Variants in AHI1 observed in about 807,000 individuals in gnomAD.
AHI1 encodes jouberin.
AHI1 carries 123 observed loss-of-function variants against 149.3 expected under a neutral mutation model. The observed-to-expected ratio is 0.82, with a 90% CI of 0.71 to 0.96. The LOEUF is 0.96. AHI1 is among the 40% of genes least tolerant of loss of function. AHI1 has a pLI of 0.00. For synonymous variants in AHI1, 475 were observed against 459.8 expected (o/e 1.03, Z -0.42); for missense variants, 1,439 against 1,422.7 (o/e 1.01, Z -0.18).
chr6:135,324,551 C>CATATATAT lies in AHI1; in HGVS notation c.3166-1235_3166-1228dup, dbSNP rs3071751. Among the ~76,000 whole-genome samples the CATATATAT allele has an allele frequency of 1.4e-3, 199 of 144,808 alleles. 2 individuals are homozygous for CATATATAT. The highest frequency in any genetic ancestry group is 3.6e-3 in the Admixed American group (52 of 14,494). The allele number at this position is 144,808 out of a possible 152,430, so 95.0% of individuals were successfully genotyped here. A position where few individuals can be genotyped will look rare whatever the true frequency, so the allele number is the denominator to read the frequency against. ...AAAATTACATATATAGTTATATATA[C>CATATATAT]ATATATATATATATATATATATTTA... is the stretch of plus-strand genomic sequence containing the variant. On this transcript the variant is annotated intron_variant, in intron 24 of 28. Transcript: ENST00000265602.
intron 5 of AHI1, among the ~76,000 whole-genome samples, chr6:135,483,705 G>A (rs1794068606): frequency 6.6e-6 from 1 of 152,172 alleles, no homozygotes; most frequent in Non-Finnish European, 1.5e-5. Context: ...ATTATGCTCT[G>A]AGCCCAGTAT....
intron 8 of AHI1, among the ~76,000 whole-genome samples, chr6:135,461,547 T>C (rs570404891): frequency 6.6e-6 from 1 of 152,080 alleles, no homozygotes; most frequent in Non-Finnish European, 1.5e-5. Context: ...ATATACATAA[T>C]CTATGACAGC....
chr6:135,459,249 G>T (rs1437029410), intron 8 of AHI1, among the ~76,000 whole-genome samples: 1 of 152,132 alleles, frequency 6.6e-6, no homozygotes, highest in Non-Finnish European at 1.5e-5. Flanking sequence ...TCTGCTGCCT[G>T]AAACTAAGCA....
At chr6:135,463,394 G>C in intron 7 of AHI1, 88 bp from the exon 8 acceptor site, 1 of 1,097,906 alleles carries the variant, frequency 9.1e-7, no homozygotes, top group Non-Finnish European at 1.3e-6. Context: ...CAGTAAATAG[G>C]AGCAAAGATA....
chr6:135,455,651 T>C (rs1202255394), intron 10 of AHI1, 83 bp downstream of exon 10: 4 of 1,103,420 alleles, frequency 3.6e-6, no homozygotes, highest in East Asian at 2.8e-5. Flanking sequence ...TTTGCCTTAC[T>C]GGACTACTAA....
At chr6:135,333,484 G>A (rs1360899513) in intron 24 of AHI1, among the ~76,000 whole-genome samples, 1 of 151,892 alleles carries the variant, frequency 6.6e-6, no homozygotes, top group African/African-American at 2.4e-5. Context: ...AAGAAATCAA[G>A]GTCCTATTAT....
chr6:135,317,842 T>C (rs1786211660), intron 26 of AHI1, among the ~76,000 whole-genome samples: 1 of 152,256 alleles, frequency 6.6e-6, no homozygotes, highest in Admixed American at 6.5e-5. Context: ...TGTTGGTTCA[T>C]GGAATCAAGA....
At chr6:135,406,147 A>G (rs987496888) in intron 21 of AHI1, among the ~76,000 whole-genome samples, 9 of 152,230 alleles carry the variant, frequency 5.9e-5, no homozygotes, top group African/African-American at 2.2e-4. Flanking sequence ...AGCATTCTGC[A>G]ACCTAGGTAA....
At chr6:135,444,319 T>C (rs1786811977) in intron 13 of AHI1, among the ~76,000 whole-genome samples, 1 of 152,112 alleles carries the variant, frequency 6.6e-6, no homozygotes, top group African/African-American at 2.4e-5. Flanking sequence ...CTTCCATTAT[T>C]CCTCACATCC....
chr6:135,331,118 T>C (rs577173808), intron 24 of AHI1, among the ~76,000 whole-genome samples: 1 of 152,356 alleles, frequency 6.6e-6, no homozygotes, highest in African/African-American at 2.4e-5. Context: ...TACCATTTCT[T>C]GCACCCTGTG....
intron 20 of AHI1, among the ~76,000 whole-genome samples, chr6:135,412,958 A>C (rs1202096445): frequency 6.6e-6 from 1 of 152,196 alleles, no homozygotes; most frequent in Non-Finnish European, 1.5e-5. Context: ...ATGAGTCAGA[A>C]AAGGTTAATA....
At chr6:135,313,140 T>C (rs2128368560) in intron 26 of AHI1, among the ~76,000 whole-genome samples, 1 of 152,332 alleles carries the variant, frequency 6.6e-6, no homozygotes, top group Middle Eastern at 3.4e-3. Context: ...ACTCAAATCA[T>C]TTTAATTACT....
rs767850579 is a variant in AHI1 at position 135,433,172 on chromosome 6, T to C, written c.2121A>G (p.Pro707=). The part of the protein sequence containing the change: ...PSFVYTAKFH[P]AVRELVVTGC... ...CTGTAACTACTAGCTCTCTTACAGC[T>C]GGATGGAATTTAGCCGTGTAAACAA... The change falls in exon 16 of 29, where the codon CCA becomes CCG. Residue 707 remains proline (P), a synonymous_variant. Transcript: ENST00000265602. The C allele has an allele frequency of 2.5e-6, 4 of 1,613,100 alleles. No homozygotes were observed. The East Asian group carries it at 6.7e-5, about 27-fold the overall frequency.
At chr6:135,358,072 A>T in intron 24 of AHI1, 60 bp downstream of exon 24, 2 of 1,473,004 alleles carry the variant, frequency 1.4e-6, no homozygotes, top group Admixed American at 3.5e-5. Context: ...CTGTAACTAT[A>T]ACCAGTATAA....
intron 23 of AHI1, among the ~76,000 whole-genome samples, chr6:135,373,564 C>G (rs1775389408): frequency 1.3e-5 from 2 of 152,142 alleles, no homozygotes; most frequent in Non-Finnish European, 2.9e-5. Flanking sequence ...TCTTGGGAGA[C>G]ACTTTTAGTA....
Position 135,433,050 on chromosome 6 carries a change from T to C in AHI1, c.2243A>G (p.Asn748Ser), listed in dbSNP as rs763675347. ...ACCTTCAGTATCAAAACAAAGTGAGTTGATAAAACTTTTGTGAACATCAAA... is the reference window on the plus strand; with the variant it reads ...ACCTTCAGTATCAAAACAAAGTGAGCTGATAAAACTTTTGTGAACATCAAA... ...RQFDVHKSFI[N>S]SLCFDTEGHH... The change falls in exon 16 of 29, where the codon AAC (asparagine) becomes AGC (serine). Residue 748 changes from asparagine to serine, a missense_variant. By Grantham distance (46) the Asn-to-Ser change is conservative (BLOSUM62 1). Coordinates refer to ENST00000265602, the MANE Select transcript of AHI1 (RefSeq NM_001134831.2). The C allele has an allele frequency of 6.2e-7, 1 of 1,612,666 alleles. No individual in the cohort carries two copies. Among genetic ancestry groups the C allele is most frequent in the South Asian group, 1.1e-5 (1 of 91,062 alleles).
intron 5 of AHI1, among the ~76,000 whole-genome samples, chr6:135,471,829 G>A (rs954452058): frequency 3.3e-5 from 5 of 151,022 alleles, no homozygotes; most frequent in Non-Finnish European, 5.9e-5. Flanking sequence ...TGGCTAACAA[G>A]GTGAAACCCC....
chr6:135,318,556 T>C lies in AHI1; in HGVS notation c.3389A>G (p.Glu1130Gly). Residue 1130 changes from glutamate to glycine, a missense_variant, in exon 26 of 29, where the codon GAA becomes GGA. Physicochemically the swap from Glu to Gly is moderately conservative, Grantham distance 98 (BLOSUM62 -2). Coordinates refer to ENST00000265602, the MANE Select transcript of AHI1 (RefSeq NM_001134831.2). ...TGGAGATTTTTCTATTTTAGTTTTT[T>C]CCTCAGGGCTTAAAGGAGGGGATCG... ...KERSPPLSPE[E>G]KTKIEKSPAP... 1 of 1,603,548 alleles carries C rather than the reference T, an allele frequency of 6.2e-7. No individual in the cohort carries two copies. The highest frequency in any genetic ancestry group is 8.5e-7 in the Non-Finnish European group (1 of 1,174,836).
chr6:135,475,875 C>T (rs1444777528), intron 5 of AHI1, among the ~76,000 whole-genome samples: 8 of 152,048 alleles, frequency 5.3e-5, no homozygotes, highest in African/African-American at 9.7e-5. Context: ...TTATCAAGCC[C>T]GGGGGTGGCC....
Sources: allele counts gnomAD v4.1 joint callset (sites outside exome capture counted in the v4.1 genomes callset), GRCh38; gene constraint gnomAD v4.1.1; transcripts MANE v1.5; gene names NCBI Gene and HGNC (gene_info 2026-07-23, HGNC 2026-07-21).